Variants in NHP2 observed in about 807,000 individuals in gnomAD.
NHP2 encodes the protein NHP2 ribonucleoprotein, also known as H/ACA ribonucleoprotein complex subunit 2.
In NHP2, 10 loss-of-function variants were observed where a neutral mutation model predicts 16.7. The ratio of observed to expected loss-of-function variants is 0.60; its 90% confidence interval spans 0.37 to 1.01. The LOEUF (loss-of-function observed/expected upper bound fraction) is 1.01, where lower values mean the gene tolerates loss of function less well. NHP2 is among the 50% of genes least tolerant of loss of function. The pLI is 0.01. For missense variants in NHP2, 184 were observed against 198.3 expected (o/e 0.93, Z 0.43); for synonymous variants, 87 against 78.9 (o/e 1.10, Z -0.54).
At chr5:178,152,562 G>A (rs1385179481) in intron 2 of NHP2, among the ~76,000 whole-genome samples, 2 of 152,218 alleles carry the variant, frequency 1.3e-5, no homozygotes, top group Non-Finnish European at 2.9e-5. Flanking sequence ...CTGTTCTGAA[G>A]GAGCTTACCA....
chr5:178,151,166 T>C (rs1384699030), intron 2 of NHP2, among the ~76,000 whole-genome samples, 173 bp from the exon 3 acceptor site: 1 of 152,192 alleles, frequency 6.6e-6, no homozygotes, highest in Non-Finnish European at 1.5e-5. Context: ...AGTGATGTAG[T>C]GCTCGGACAG....
intron 2 of NHP2, among the ~76,000 whole-genome samples, chr5:178,151,295 A>G (rs905625575): frequency 6.6e-6 from 1 of 152,210 alleles, no homozygotes; most frequent in Non-Finnish European, 1.5e-5. Flanking sequence ...TGTGGCAGGC[A>G]GCCCACGGAG....
chr5:178,153,265 CTT>C, intron 2 of NHP2: 1 of 622,360 alleles, frequency 1.6e-6, no homozygotes, highest in Non-Finnish European at 2.9e-6. Context: ...CTCTAAGGGA[CTT>C]TGCTTACACA....
chr5:178,150,877 G>A lies in NHP2; in HGVS notation c.336+11C>T, dbSNP rs369560609. On this transcript the variant is annotated intron_variant, in intron 3 of 3. Transcript: ENST00000274606. ...GTGCTGAGCAAGGTCAGGGGGCCAC[G>A]TGCTCCTTACCGTCTTAGAGGGGAT... The A allele has an allele frequency of 1.1e-5, 17 of 1,578,932 alleles. No individual in the cohort carries two copies. Among genetic ancestry groups the A allele is most frequent in the African/African-American group, 6.7e-5 (5 of 74,218 alleles).
At chr5:178,152,137 C>G (rs1756293310) in intron 2 of NHP2, among the ~76,000 whole-genome samples, 1 of 152,206 alleles carries the variant, frequency 6.6e-6, no homozygotes, top group Admixed American at 6.5e-5. Context: ...CCTGAACTTT[C>G]CCAAACCTAC....
rs1020810180 is a variant in NHP2, at chr5:178,153,843, C to G, written c.-26G>C. 2.5e-6 allele frequency: 4 copies of G among 1,595,200 alleles called. No individual in the cohort carries two copies. The highest frequency in any genetic ancestry group is 3.4e-6 in the Non-Finnish European group (4 of 1,171,274). On this transcript the variant is annotated 5_prime_UTR_variant, in exon 1 of 4. Coordinates refer to ENST00000274606, the MANE Select transcript of NHP2 (RefSeq NM_017838.4). ...CGCAGCGGCCGCTGAAACCTAGTCC[C>G]AGGGAGGCGAGCCCACGCGGTCCAC...
rs1025177052 is a variant in NHP2, at chr5:178,149,470, C to T, written c.*243G>A. ...ACCCACAGACTCACCACATTTTAGT[C>T]TTAGCATTTACTTTCCCCACCCCAC... is the stretch of plus-strand genomic sequence containing the variant. On this transcript the variant is annotated 3_prime_UTR_variant, in exon 4 of 4. Transcript: ENST00000274606. The T allele has an allele frequency of 2.0e-6, 1 of 492,154 alleles. No homozygotes were observed. Among genetic ancestry groups the T allele is most frequent in the South Asian group, 2.1e-5 (1 of 48,614 alleles). The allele number at this position is 492,154 out of a possible 1,614,324, so 30.5% of individuals were successfully genotyped here.
Position 178,149,807 on chromosome 5 carries a change from G to A in NHP2, c.368C>T (p.Pro123Leu). 1 of 1,613,860 alleles carries A rather than the reference G, an allele frequency of 6.2e-7. No individual in the cohort carries two copies. Among genetic ancestry groups the A allele is most frequent in the South Asian group, 1.1e-5 (1 of 91,036 alleles). Reference sequence around the variant, plus strand: ...GGGCTTGACCATTATCACACAGGTGGGGCGCTTGGAGCCTGCGGCTGCACC... The same window carrying A: ...GGGCTTGACCATTATCACACAGGTGAGGCGCTTGGAGCCTGCGGCTGCACC... The part of the protein sequence containing the change: ...DLGAAAGSKR[P>L]TCVIMVKPHE... Residue 123 changes from proline to leucine, a missense_variant, in exon 4 of 4, where the codon CCC (proline) becomes CTC (leucine). Physicochemically the swap from Pro to Leu is moderately conservative, Grantham distance 98 (BLOSUM62 -3). Transcript: ENST00000274606.
At chr5:178,150,725 T>C in intron 3 of NHP2, 163 bp downstream of exon 3, 2 of 763,656 alleles carry the variant, frequency 2.6e-6, no homozygotes, top group Non-Finnish European at 4.8e-6. Context: ...ATGCAAGAAG[T>C]AACATATCTG....
chr5:178,151,792 C>A (rs1404041052), intron 2 of NHP2, among the ~76,000 whole-genome samples: 3 of 152,124 alleles, frequency 2.0e-5, no homozygotes, highest in Non-Finnish European at 4.4e-5. Flanking sequence ...CCCAGATGTA[C>A]TATCTCCAGC....
chr5:178,149,940 T>C (rs1255119456), intron 3 of NHP2, 102 bp from the exon 4 acceptor site: 3 of 1,285,304 alleles, frequency 2.3e-6, no homozygotes, highest in Non-Finnish European at 2.2e-6. Flanking sequence ...CCCACAACCA[T>C]GTTCTGTTCG....
chr5:178,149,747 A>G lies in NHP2; in HGVS notation c.428T>C (p.Leu143Pro). Residue 143 changes from leucine (L) to proline (P), a missense_variant, in exon 4 of 4, where the codon CTG (leucine) becomes CCG (proline). Transcript: ENST00000274606. ...TAGGGGCAGGGACTGCACCTCCTCCAGGCACTCATCGTAAGCCTCCTGGTA... is the reference window on the plus strand; with the variant it reads ...TAGGGGCAGGGACTGCACCTCCTCCGGGCACTCATCGTAAGCCTCCTGGTA... ...EEYQEAYDECLEEVQSLPLPL is the reference protein window; with the variant it reads ...EEYQEAYDECPEEVQSLPLPL 1.9e-6 allele frequency: 3 copies of G among 1,614,106 alleles called. No homozygotes were observed. Among genetic ancestry groups the G allele is most frequent in the African/African-American group, 2.7e-5 (2 of 75,050 alleles).
At chr5:178,151,324 G>A (rs1266371957) in intron 2 of NHP2, among the ~76,000 whole-genome samples, 1 of 152,110 alleles carries the variant, frequency 6.6e-6, no homozygotes, top group African/African-American at 2.4e-5. Flanking sequence ...GCGGGGGAGA[G>A]CATGTGGTGT....
At chr5:178,150,642 C>T (rs1221560172) in intron 3 of NHP2, 1 of 661,284 alleles carries the variant, frequency 1.5e-6, no homozygotes, top group Non-Finnish European at 2.8e-6. Context: ...CTTGGCCTCC[C>T]AAAGCACTAG....
chr5:178,151,657 A>G (rs1269485959), intron 2 of NHP2, among the ~76,000 whole-genome samples: 1 of 152,032 alleles, frequency 6.6e-6, no homozygotes, highest in Non-Finnish European at 1.5e-5. Flanking sequence ...CCCTTCTGTT[A>G]AGCGCCTTTC....
Position 178,149,682 on chromosome 5 carries a change from GC to G in NHP2, c.*30del, listed in dbSNP as rs780412873. The G allele has an allele frequency of 1.9e-6, 3 of 1,611,562 alleles. No homozygotes were observed. In the South Asian group the frequency reaches 3.3e-5, roughly 18 times the overall value. ...CCTGCTGCCAGCCCAATAGCTTCCA[GC>G]GGCAGGTGCCCAGGTGCTACCGGAG... is the stretch of plus-strand genomic sequence containing the variant. On this transcript the variant is annotated 3_prime_UTR_variant, in exon 4 of 4. Transcript: ENST00000274606.
chr5:178,151,595 C>G (rs1414844224), intron 2 of NHP2, among the ~76,000 whole-genome samples: 4 of 152,190 alleles, frequency 2.6e-5, no homozygotes, highest in Non-Finnish European at 5.9e-5. Context: ...GAGCCCTCGG[C>G]TGAAAGAATG....
intron 3 of NHP2, chr5:178,150,471 C>G (rs1240362887): frequency 2.8e-6 from 1 of 355,832 alleles, no homozygotes; most frequent in African/African-American, 2.1e-5. Context: ...GCCTTGAACT[C>G]CTGGGTTCAA....
At chr5:178,151,887 A>G (rs1756286839) in intron 2 of NHP2, among the ~76,000 whole-genome samples, 1 of 151,998 alleles carries the variant, frequency 6.6e-6, no homozygotes, top group South Asian at 2.1e-4. Context: ...GGTGGAAGTC[A>G]TGTGTCTCTA....
Sources: gnomAD v4.1 joint callset for allele counts (sites outside exome capture counted in the v4.1 genomes callset) on GRCh38, gnomAD v4.1.1 for gene constraint, MANE v1.5 for transcripts, NCBI Gene and HGNC (gene_info 2026-07-23, HGNC 2026-07-21) for gene names.